The following GRIK3 variants were observed in gnomAD, a reference collection of about 807,000 sequenced individuals.
GRIK3 encodes the protein glutamate ionotropic receptor kainate type subunit 3.
Under a neutral mutation model 102.5 loss-of-function variants are expected in GRIK3, and 29 were observed. The ratio of observed to expected loss-of-function variants is 0.28; its 90% CI spans 0.21 to 0.39. The LOEUF is 0.39. Among genes scored for constraint, GRIK3 ranks in the 10% least tolerant of loss-of-function variants. GRIK3 has a pLI of 1.00. For synonymous variants in GRIK3, 511 were observed against 504.9 expected (o/e 1.01, Z -0.16); for missense variants, 908 against 1,252.4 (o/e 0.73, Z 4.15).
rs772292552 is a variant in GRIK3, at chr1:36,864,379, C to T, written c.787-4362G>A. ...TGGAAGAGAAGCTGAGCTCTGCCTA[C>T]AGGGGGCGCCCTCCTCACCTTTCCT... On this transcript the variant is annotated intron_variant, in intron 5 of 15. Coordinates refer to ENST00000373091, the MANE Select transcript of GRIK3 (RefSeq NM_000831.4). Among the ~76,000 whole-genome samples, 8 of 152,348 alleles carry T rather than the reference C, an allele frequency of 5.3e-5. No homozygotes were observed. The East Asian group carries it at 1.5e-3, about 29-fold the overall frequency.
chr1:37,021,145 AGAGAG>A (rs1642709182), intron 1 of GRIK3, among the ~76,000 whole-genome samples: 6 of 150,094 alleles, frequency 4.0e-5, no homozygotes, highest in African/African-American at 1.5e-4. Flanking sequence ...AGAGAGAGAG[AGAGAG>A]AGAATAGGAG....
chr1:36,822,680 C>A (rs1462509326), intron 11 of GRIK3, among the ~76,000 whole-genome samples: 1 of 152,166 alleles, frequency 6.6e-6, no homozygotes, highest in Non-Finnish European at 1.5e-5. Flanking sequence ...GACAGGGCAT[C>A]CACTATGGCC....
At chr1:36,816,284 C>T (rs1190683813) in intron 13 of GRIK3, among the ~76,000 whole-genome samples, 1 of 152,144 alleles carries the variant, frequency 6.6e-6, no homozygotes, top group African/African-American at 2.4e-5. Context: ...TAAATGAGGC[C>T]CAGCATTTAG....
chr1:37,020,500 CA>C (rs1295967455), intron 1 of GRIK3, among the ~76,000 whole-genome samples: 1 of 152,166 alleles, frequency 6.6e-6, no homozygotes, highest in Non-Finnish European at 1.5e-5. Flanking sequence ...ATGAGGCTGA[CA>C]AGCCGAACCA....
chr1:36,961,445 G>A (rs1642008119), intron 1 of GRIK3, among the ~76,000 whole-genome samples: 1 of 152,242 alleles, frequency 6.6e-6, no homozygotes, highest in African/African-American at 2.4e-5. Context: ...GGTAGAAAGA[G>A]AGACAGCCAG....
At chr1:36,815,039 T>C (rs539582078) in intron 13 of GRIK3, among the ~76,000 whole-genome samples, 3 of 152,352 alleles carry the variant, frequency 2.0e-5, no homozygotes, top group East Asian at 3.9e-4. Context: ...CCACATATTA[T>C]ATGCTGCTAC....
chr1:36,880,834 C>G lies in GRIK3; in HGVS notation c.350G>C (p.Cys117Ser). The change falls in exon 3 of 16, where the codon TGC becomes TCC. Residue 117 changes from cysteine to serine, a missense_variant. By Grantham distance (112) the Cys-to-Ser change is moderately radical. Coordinates refer to ENST00000373091, the MANE Select transcript of GRIK3 (RefSeq NM_000831.4). This position sits in a 1 kb window ranked among gnomAD's most constrained non-coding sequence, Gnocchi z 5.4. ...VAIFGPSQGS[C>S]TNAVQSICNA... is the part of the protein sequence containing the mutation. ...GCAGATGGACTGGACGGCATTGGTG[C>G]AGGAGCCCTGTGATGGGCCGAAGAT... The G allele has an allele frequency of 6.2e-7, 1 of 1,614,058 alleles. No individual in the cohort carries two copies. The highest frequency in any genetic ancestry group is 1.3e-5 in the African/African-American group (1 of 75,046).
At chr1:36,980,075 A>T (rs1642234004) in intron 1 of GRIK3, among the ~76,000 whole-genome samples, 2 of 152,168 alleles carry the variant, frequency 1.3e-5, no homozygotes, top group African/African-American at 4.8e-5. Context: ...GTCTTTTCCT[A>T]GTAAAGCTCC....
At chr1:36,975,441 C>T (rs1338098111) in intron 1 of GRIK3, among the ~76,000 whole-genome samples, 1 of 152,060 alleles carries the variant, frequency 6.6e-6, no homozygotes, top group African/African-American at 2.4e-5. Context: ...ACTATGGGTG[C>T]ATGCCACCAT....
rs551795106 is a variant in GRIK3, at chr1:36,806,388, C to T, written c.2092-62G>A. The stretch of plus-strand genomic sequence containing the variant: ...ACTAGGCGCACCAGGGACCAAGCAC[C>T]GCATACCCTGCACAACGTGGGTTGG... On this transcript the variant is annotated intron_variant, in intron 13 of 15. Coordinates refer to ENST00000373091, the MANE Select transcript of GRIK3 (RefSeq NM_000831.4). This position sits in a 1 kb window ranked among gnomAD's most constrained non-coding sequence, Gnocchi z 4.0. 979 of 1,019,298 alleles carry T rather than the reference C, an allele frequency of 9.6e-4. No homozygotes were observed. The highest frequency in any genetic ancestry group is 1.3e-3 in the Non-Finnish European group (852 of 669,528). 63.1% of individuals were successfully genotyped at this position (1,019,298 alleles called of 1,614,324 possible). A position where few individuals can be genotyped will look rare whatever the true frequency, so the allele number is the denominator to read the frequency against.
intron 6 of GRIK3, 32 bp downstream of exon 6, chr1:36,859,812 C>G (rs1214122030): frequency 3.2e-6 from 5 of 1,557,782 alleles, no homozygotes; most frequent in Non-Finnish European, 4.4e-6. Flanking sequence ...AGGTGGGAAG[C>G]CCCTGGAATT....
At chr1:36,992,840 C>T (rs1174374867) in intron 1 of GRIK3, among the ~76,000 whole-genome samples, 4 of 152,072 alleles carry the variant, frequency 2.6e-5, no homozygotes, top group South Asian at 2.1e-4. Context: ...ATGGGAAAGC[C>T]GAAGCACAAA....
At chr1:36,822,160 G>A (rs1642702264) in intron 11 of GRIK3, among the ~76,000 whole-genome samples, 1 of 152,226 alleles carries the variant, frequency 6.6e-6, no homozygotes, top group Non-Finnish European at 1.5e-5. Flanking sequence ...TGTCGGCCCT[G>A]ATGCCCAAGG....
At chr1:36,849,390 C>G (rs1471826086) in intron 9 of GRIK3, among the ~76,000 whole-genome samples, 1 of 152,218 alleles carries the variant, frequency 6.6e-6, no homozygotes. Flanking sequence ...ACGGGTTGAA[C>G]TCCCTTTTGT....
At chr1:36,923,617 C>T (rs1042173413) in intron 1 of GRIK3, among the ~76,000 whole-genome samples, 1 of 152,196 alleles carries the variant, frequency 6.6e-6, no homozygotes, top group African/African-American at 2.4e-5. Flanking sequence ...CTGGCAGGGC[C>T]TCAGTTTCCT....
chr1:36,885,399 T>C (rs1282915083), intron 2 of GRIK3, among the ~76,000 whole-genome samples: 1 of 152,166 alleles, frequency 6.6e-6, no homozygotes, highest in South Asian at 2.1e-4. Context: ...GTGGGGGTAG[T>C]GTTGGTGGTG....
intron 1 of GRIK3, among the ~76,000 whole-genome samples, chr1:36,902,190 C>G (rs772877397): frequency 1.3e-5 from 2 of 152,178 alleles, no homozygotes; most frequent in Non-Finnish European, 2.9e-5. Flanking sequence ...CAATCCCAAT[C>G]AAAATCTCAG....
At chr1:36,807,137 C>G (rs1208026965) in intron 13 of GRIK3, among the ~76,000 whole-genome samples, 2 of 152,078 alleles carry the variant, frequency 1.3e-5, no homozygotes, top group Non-Finnish European at 2.9e-5. Flanking sequence ...GCTGTAGGGT[C>G]CTGGGCTGGA....
rs534771646 is a variant in GRIK3 at position 36,869,739 on chromosome 1, G to T, written c.786+9C>A. On this transcript the variant is annotated intron_variant, in intron 5 of 15. Transcript: ENST00000373091. Reference sequence around the variant, plus strand: ...CCCTTTCCCGTGCCAGGACCCAGAGGTACATTACCAGAGTGGTGAAGATGA... The same window carrying T: ...CCCTTTCCCGTGCCAGGACCCAGAGTTACATTACCAGAGTGGTGAAGATGA... 5 of 1,598,790 alleles carry T rather than the reference G, an allele frequency of 3.1e-6. No homozygotes were observed. In the African/African-American group the frequency reaches 4.0e-5, roughly 13 times the overall value.
Sources: allele counts gnomAD v4.1 joint callset (sites outside exome capture counted in the v4.1 genomes callset), GRCh38; gene constraint gnomAD v4.1.1; non-coding constraint Gnocchi (gnomAD v3.1); transcripts MANE v1.5; gene names NCBI Gene and HGNC (gene_info 2026-07-23, HGNC 2026-07-21).